Variants in DDAH1 observed in about 807,000 individuals in gnomAD.
DDAH1 encodes N(G),N(G)-dimethylarginine dimethylaminohydrolase 1.
Under a neutral mutation model 28.8 loss-of-function variants are expected in DDAH1, and 19 were observed. That is an observed-to-expected ratio of 0.66 (90% CI 0.46 to 0.97). The LOEUF (loss-of-function observed/expected upper bound fraction) is 0.97. DDAH1 is among the 50% of genes least tolerant of loss of function. The probability of loss-of-function intolerance (pLI) is 0.00; values close to 1 mark genes in which losing one functional copy is unlikely to be tolerated. For synonymous variants in DDAH1, 153 were observed against 154.4 expected (o/e 0.99, Z 0.07); for missense variants, 326 against 375.9 (o/e 0.87, Z 1.10).
chr1:85,531,736 G>T lies in DDAH1; in HGVS notation c.-122-35455C>A, dbSNP rs1163134300. 2.7e-5 allele frequency among the ~76,000 whole-genome samples: 4 copies of T among 147,112 alleles called. No homozygotes were observed. The Admixed American group carries it at 2.7e-4, about 10-fold the overall frequency. ...CCACCACATTAATAAAGGCCGATAC[G>T]TGTATAATGCTTACTGTGAACCAGG... On this transcript the variant is annotated intron_variant, in intron 1 of 6. Transcript: ENST00000426972.
At chr1:85,563,820 G>T (rs868358639) in intron 1 of DDAH1, among the ~76,000 whole-genome samples, 2 of 152,354 alleles carry the variant, frequency 1.3e-5, no homozygotes, top group South Asian at 4.1e-4. Flanking sequence ...GATTAAGCAT[G>T]CTAAGTAGCA....
Position 85,321,497 on chromosome 1 carries a change from C to G in DDAH1, c.813G>C (p.Leu271=). The change falls in exon 6 of 6, where the codon CTG becomes CTC. Residue 271 remains leucine, a synonymous_variant. Transcript: ENST00000284031. ...TAATTAAAACTGAGCAGCAGGTGAG[C>G]AGCCCATCCACCTTTTCCAGTTCAG... ...SMSELEKVDG[L]LTCCSVLINK... The G allele has an allele frequency of 6.2e-7, 1 of 1,614,116 alleles. No individual in the cohort carries two copies. The highest frequency in any genetic ancestry group is 8.5e-7 in the Non-Finnish European group (1 of 1,179,964).
chr1:85,471,844 AAC>A (rs1456142314), intron 2 of DDAH1, among the ~76,000 whole-genome samples: 2 of 152,226 alleles, frequency 1.3e-5, no homozygotes, highest in Non-Finnish European at 2.9e-5. Context: ...CTGTGCAAGC[AAC>A]ACATCCCTTT....
intron 2 of DDAH1, among the ~76,000 whole-genome samples, chr1:85,486,636 T>C (rs748115614): frequency 4.9e-4 from 74 of 152,318 alleles, no homozygotes; most frequent in Middle Eastern, 3.4e-3. Flanking sequence ...CTATGGCCCC[T>C]GAACTTCTCG....
intron 1 of DDAH1, among the ~76,000 whole-genome samples, chr1:85,420,890 GAA>G (rs1487920955): frequency 1.4e-4 from 21 of 152,264 alleles, no homozygotes; most frequent in Admixed American, 1.4e-3. Flanking sequence ...AATTTATAAA[GAA>G]AAGAGGTTTA....
chr1:85,370,583 A>C (rs1650328122), intron 1 of DDAH1, among the ~76,000 whole-genome samples: 1 of 136,774 alleles, frequency 7.3e-6, no homozygotes, highest in Non-Finnish European at 1.6e-5. Context: ...CTTAGTTAAA[A>C]AGCAACTGCA....
chr1:85,378,490 C>T (rs1055793495), intron 1 of DDAH1, among the ~76,000 whole-genome samples: 2 of 152,168 alleles, frequency 1.3e-5, no homozygotes, highest in African/African-American at 4.8e-5. Context: ...CACACTGCAG[C>T]CTTGACCTCT....
chr1:85,325,544 A>AT (rs1286794028), intron 4 of DDAH1, among the ~76,000 whole-genome samples: 1 of 151,854 alleles, frequency 6.6e-6, no homozygotes, highest in East Asian at 1.9e-4. Context: ...AGGCATAGGA[A>AT]TTTTGCATTT....
chr1:85,536,940 A>T, intron 1 of DDAH1, among the ~76,000 whole-genome samples: 1 of 128,250 alleles, frequency 7.8e-6, no homozygotes, highest in African/African-American at 2.9e-5. Flanking sequence ...TAGATAAAGA[A>T]AATGTGGCAT....
At chr1:85,529,174 A>T (rs1171233492) in intron 1 of DDAH1, among the ~76,000 whole-genome samples, 1 of 151,934 alleles carries the variant, frequency 6.6e-6, no homozygotes, top group African/African-American at 2.4e-5. Flanking sequence ...CATCTGTGAA[A>T]ATGAAGAATC....
At chr1:85,515,149 G>C (rs1451494107) in intron 1 of DDAH1, among the ~76,000 whole-genome samples, 2 of 150,258 alleles carry the variant, frequency 1.3e-5, no homozygotes, top group East Asian at 3.9e-4. Context: ...CAGCACTTTG[G>C]GGGGCCAAGG....
At chr1:85,559,832 T>C (rs879615725) in intron 1 of DDAH1, among the ~76,000 whole-genome samples, 15 of 152,010 alleles carry the variant, frequency 9.9e-5, no homozygotes, top group Non-Finnish European at 1.5e-4. Context: ...ACAGAGCTTT[T>C]TGTCTTGTGG....
At chr1:85,515,804 A>C (rs1403957) in intron 1 of DDAH1, among the ~76,000 whole-genome samples, 82,397 of 151,688 alleles carry the variant, frequency 0.54, 24,914 homozygotes, top group East Asian at 0.66. Flanking sequence ...TAAAAAAAAA[A>C]CCTGGATTTA....
intron 1 of DDAH1, among the ~76,000 whole-genome samples, chr1:85,501,045 A>G (rs1656801403): frequency 6.6e-6 from 1 of 152,076 alleles, no homozygotes; most frequent in African/African-American, 2.4e-5. Flanking sequence ...ATTTTAACAT[A>G]TCTGCTATCT....
chr1:85,429,828 T>C (rs918892684), intron 1 of DDAH1, among the ~76,000 whole-genome samples: 2 of 152,238 alleles, frequency 1.3e-5, no homozygotes, highest in Non-Finnish European at 2.9e-5. Flanking sequence ...TGTCTGTTCA[T>C]ATCTTTTACC....
At chr1:85,573,404 T>C (rs1344832215) in intron 1 of DDAH1, among the ~76,000 whole-genome samples, 1 of 152,250 alleles carries the variant, frequency 6.6e-6, no homozygotes, top group Non-Finnish European at 1.5e-5. Flanking sequence ...AGCCATTTGA[T>C]AATGACTTAC....
At position 85,521,645 on chromosome 1, in the gene DDAH1, C is replaced by T. The variant is rs559878802; in HGVS notation, c.-122-25364G>A. On this transcript the variant is annotated intron_variant, in intron 1 of 6. Transcript: ENST00000426972. ...CCTGTATCTAGATGCCTTCCCCCGT[C>T]GCTGAGTCACCAGCTGTGCTGCCTG... 66 of 984,942 alleles carry T rather than the reference C, an allele frequency of 6.7e-5. No individual in the cohort carries two copies. The Middle Eastern group carries it at 1.6e-3, about 23-fold the overall frequency. 61.0% of individuals were successfully genotyped at this position (984,942 alleles called of 1,614,324 possible).
chr1:85,319,783 A>G lies in DDAH1; in HGVS notation c.*1669T>C, dbSNP rs759691537. 2.0e-5 allele frequency: 3 copies of G among 152,212 alleles called. No homozygotes were observed. The highest frequency in any genetic ancestry group is 2.9e-5 in the Non-Finnish European group (2 of 68,034). 9.4% of individuals were successfully genotyped at this position (152,212 alleles called of 1,614,324 possible). On this transcript the variant is annotated 3_prime_UTR_variant, in exon 6 of 6. Transcript: ENST00000284031. ...CAAGGAAGAGAAGGAGGAGAAAAAA[A>G]CTTTTGCAAATTTCTGACATAAAAT...
At chr1:85,435,274 T>C (rs1254570225) in intron 1 of DDAH1, 1 of 152,188 alleles carries the variant, frequency 6.6e-6, no homozygotes. Context: ...CTCAGTACCT[T>C]TGGACTAGCC....
Sources: allele counts gnomAD v4.1 joint callset (sites outside exome capture counted in the v4.1 genomes callset), GRCh38; gene constraint gnomAD v4.1.1; transcripts MANE v1.5; gene names NCBI Gene and HGNC (gene_info 2026-07-23, HGNC 2026-07-21).